The following ERBB4 variants were observed in gnomAD, a reference collection of about 807,000 sequenced individuals.
ERBB4 encodes receptor tyrosine-protein kinase erbB-4.
Under a neutral mutation model 158.0 loss-of-function variants are expected in ERBB4, and 42 were observed. That is an observed-to-expected ratio of 0.27 (90% confidence interval 0.21 to 0.34). The LOEUF (loss-of-function observed/expected upper bound fraction) is 0.34, where lower values mean the gene tolerates loss of function less well. Among genes scored for constraint, ERBB4 ranks in the 10% least tolerant of loss-of-function variants. ERBB4 has a pLI of 1.00. For missense variants in ERBB4, 1,333 were observed against 1,624.1 expected, an observed-to-expected ratio of 0.82 and a Z score of 3.08; for synonymous variants, 583 against 558.7, an observed-to-expected ratio of 1.04 and a Z score of -0.61.
chr2:211,553,344 G>C (rs1183559569), intron 20 of ERBB4, among the ~76,000 whole-genome samples: 1 of 152,120 alleles, frequency 6.6e-6, no homozygotes, highest in Non-Finnish European at 1.5e-5. Context: ...GTGTAGGAAA[G>C]CATATGTGGA....
At chr2:211,485,733 A>G (rs1277446882) in intron 20 of ERBB4, among the ~76,000 whole-genome samples, 2 of 151,240 alleles carry the variant, frequency 1.3e-5, no homozygotes, top group African/African-American at 4.9e-5. Context: ...GGGGAGGGAT[A>G]GCGTTAGGAG....
intron 19 of ERBB4, among the ~76,000 whole-genome samples, chr2:211,578,273 A>G (rs757040259): frequency 1.2e-4 from 18 of 152,184 alleles, no homozygotes; most frequent in Non-Finnish European, 1.9e-4. Context: ...TTCGAGGAGA[A>G]CTACAAACCA....
rs144603648 is a variant in ERBB4 at position 211,786,449 on chromosome 2, C to T, written c.556+1576G>A. 2.9e-3 allele frequency among the ~76,000 whole-genome samples: 448 copies of T among 152,262 alleles called. 6 individuals carry two copies. The highest frequency in any genetic ancestry group is 0.01 in the African/African-American group (430 of 41,536). On this transcript the variant is annotated intron_variant, in intron 4 of 27. Coordinates refer to ENST00000342788, the MANE Select transcript of ERBB4 (RefSeq NM_005235.3). Reference sequence around the variant, plus strand: ...ATTTGTAAAAGACCATTGGTTATGACTCTACTCTGCATTTATAATTTTTGC... The same window carrying T: ...ATTTGTAAAAGACCATTGGTTATGATTCTACTCTGCATTTATAATTTTTGC...
chr2:211,521,100 GTC>G (rs145552986), intron 20 of ERBB4, among the ~76,000 whole-genome samples: 4,008 of 152,180 alleles, frequency 0.026, 163 homozygotes, highest in African/African-American at 0.091. Context: ...AGAGTTGCAA[GTC>G]TCTCATTTTA....
intron 3 of ERBB4, among the ~76,000 whole-genome samples, chr2:211,940,387 G>A (rs949085983): frequency 2.0e-5 from 3 of 152,080 alleles, no homozygotes; most frequent in Admixed American, 2.0e-4. Flanking sequence ...CAATAGATGA[G>A]CTTTAAGCAA....
At chr2:211,737,871 C>T (rs994251086) in intron 5 of ERBB4, among the ~76,000 whole-genome samples, 4 of 151,948 alleles carry the variant, frequency 2.6e-5, no homozygotes, top group Non-Finnish European at 5.9e-5. Context: ...CATAAATATG[C>T]TTCTGCTGTA....
At position 211,562,625 on chromosome 2, in the gene ERBB4, AAAT is replaced by A. The variant is rs1251444254; in HGVS notation, c.2302-540_2302-538del. Reference sequence around the variant, plus strand: ...AATATGTCTATTGTCAATTTATATAAAATAATAAACATTTTAATAAGATATTTT... The same window carrying A: ...AATATGTCTATTGTCAATTTATATAAAATAAACATTTTAATAAGATATTTT... On this transcript the variant is annotated intron_variant, in intron 19 of 27. Transcript: ENST00000342788. Among the ~76,000 whole-genome samples the A allele has an allele frequency of 7.2e-5, 11 of 152,258 alleles. 1 individual carries two copies. The East Asian group carries it at 7.7e-4, about 11-fold the overall frequency.
chr2:211,884,251 C>T (rs2078737403), intron 3 of ERBB4, among the ~76,000 whole-genome samples: 1 of 152,098 alleles, frequency 6.6e-6, no homozygotes, highest in South Asian at 2.1e-4. Context: ...AGACCTTAAT[C>T]CAGTTATTTT....
chr2:211,814,810 A>G (rs978363861), intron 3 of ERBB4, among the ~76,000 whole-genome samples: 3 of 152,348 alleles, frequency 2.0e-5, no homozygotes, highest in African/African-American at 7.2e-5. Context: ...AATGTTTCCC[A>G]GCATTATTGT....
At chr2:211,490,938 G>T (rs2065325986) in intron 20 of ERBB4, among the ~76,000 whole-genome samples, 1 of 152,154 alleles carries the variant, frequency 6.6e-6, no homozygotes, top group South Asian at 2.1e-4. Flanking sequence ...TGATGTTTCA[G>T]GAGTTGTTAA....
At chr2:212,417,851 C>T (rs1029354527) in intron 1 of ERBB4, among the ~76,000 whole-genome samples, 3 of 151,828 alleles carry the variant, frequency 2.0e-5, no homozygotes, top group Non-Finnish European at 4.4e-5. Flanking sequence ...TATTTGTATT[C>T]TCTCAATATT....
intron 20 of ERBB4, among the ~76,000 whole-genome samples, chr2:211,487,829 C>A (rs1215751170): frequency 1.3e-5 from 2 of 151,996 alleles, no homozygotes; most frequent in Admixed American, 6.6e-5. Flanking sequence ...TACACAATAA[C>A]CACTGGCCAG....
chr2:211,573,241 G>T (rs905720166), intron 19 of ERBB4, among the ~76,000 whole-genome samples: 7 of 152,162 alleles, frequency 4.6e-5, no homozygotes, highest in African/African-American at 1.7e-4. Context: ...GCAGCTGGAG[G>T]AGGCAAGGAA....
chr2:212,273,299 T>C (rs1038352856), intron 1 of ERBB4, among the ~76,000 whole-genome samples: 21 of 151,808 alleles, frequency 1.4e-4, no homozygotes, highest in Non-Finnish European at 2.7e-4. Context: ...TCATACATAA[T>C]TTCACAGTTA....
intron 7 of ERBB4, among the ~76,000 whole-genome samples, chr2:211,721,955 C>A (rs1036934898): frequency 6.6e-6 from 1 of 152,102 alleles, no homozygotes; most frequent in Non-Finnish European, 1.5e-5. Context: ...CTCCACCTCC[C>A]AGGTTCAAAC....
intron 15 of ERBB4, among the ~76,000 whole-genome samples, chr2:211,662,008 C>T (rs2071440637): frequency 1.6e-5 from 2 of 124,196 alleles, no homozygotes; most frequent in African/African-American, 3.2e-5. Flanking sequence ...CACTGCACTC[C>T]AGCCTGGGCG....
intron 4 of ERBB4, among the ~76,000 whole-genome samples, chr2:211,760,152 A>C (rs1049290444): frequency 3.9e-5 from 6 of 152,192 alleles, no homozygotes; most frequent in Non-Finnish European, 8.8e-5. Context: ...CAATAGAAAG[A>C]ATGTGACCAT....
intron 3 of ERBB4, among the ~76,000 whole-genome samples, chr2:211,815,227 G>A (rs1012521833): frequency 6.6e-6 from 1 of 152,052 alleles, no homozygotes; most frequent in Non-Finnish European, 1.5e-5. Flanking sequence ...CAATCTACTA[G>A]AATAATAGCA....
At chr2:211,901,066 A>G (rs1006226961) in intron 3 of ERBB4, among the ~76,000 whole-genome samples, 1 of 152,120 alleles carries the variant, frequency 6.6e-6, no homozygotes, top group Non-Finnish European at 1.5e-5. Flanking sequence ...ATTTTGAAAG[A>G]AATTTGTATG....
Sources: gnomAD v4.1 joint callset for allele counts (sites outside exome capture counted in the v4.1 genomes callset) on GRCh38, gnomAD v4.1.1 for gene constraint, MANE v1.5 for transcripts, NCBI Gene and HGNC (gene_info 2026-07-23, HGNC 2026-07-21) for gene names.